Variants in HERPUD2 observed in about 807,000 individuals in gnomAD.
HERPUD2 encodes the protein homocysteine-responsive endoplasmic reticulum-resident ubiquitin-like domain member 2 protein.
HERPUD2 carries 13 observed loss-of-function variants against 49.9 expected under a neutral mutation model. That is an observed-to-expected ratio of 0.26 (90% CI 0.17 to 0.41). The LOEUF (loss-of-function observed/expected upper bound fraction) is 0.41. HERPUD2 is among the 10% of genes least tolerant of loss of function. The pLI, the probability that HERPUD2 is intolerant of heterozygous loss-of-function variation, is 1.00. For synonymous variants in HERPUD2, 172 were observed against 171.4 expected (o/e 1.00, Z -0.03); for missense variants, 449 against 492.2 (o/e 0.91, Z 0.83).
At chr7:35,694,077 A>G (rs1054140878) in intron 2 of HERPUD2, 107 bp downstream of exon 2, 33 of 1,179,360 alleles carry the variant, frequency 2.8e-5, no homozygotes, top group Non-Finnish European at 3.1e-5. Flanking sequence ...GTCTACCAAA[A>G]GAGACCTATT....
At chr7:35,637,507 T>C (rs1784890725) in intron 6 of HERPUD2, among the ~76,000 whole-genome samples, 2 of 152,304 alleles carry the variant, frequency 1.3e-5, no homozygotes, top group South Asian at 4.1e-4. Context: ...GAATTTTAGA[T>C]GTACTGAATT....
intron 2 of HERPUD2, among the ~76,000 whole-genome samples, chr7:35,676,956 T>C (rs1389108469): frequency 6.6e-6 from 1 of 152,190 alleles, no homozygotes; most frequent in East Asian, 1.9e-4. Context: ...TGTTTCAAAG[T>C]TACTTGAAAT....
chr7:35,670,238 C>A lies in HERPUD2; in HGVS notation c.316G>T (p.Ala106Ser). 6.3e-7 allele frequency: 1 copy of A among 1,577,418 alleles called. No individual in the cohort carries two copies. The highest frequency in any genetic ancestry group is 8.6e-7 in the Non-Finnish European group (1 of 1,156,208). Residue 106 changes from alanine (A) to serine (S), a missense_variant, in exon 4 of 9, where the codon GCA becomes TCA. Physicochemically the swap from Ala to Ser is moderately conservative, Grantham distance 99 (BLOSUM62 1). Coordinates refer to ENST00000311350, the MANE Select transcript of HERPUD2 (RefSeq NM_022373.5). ...KSSTNRESHE[A>S]LASSSNSSSD... ...ACAGAATTGCTGCTGGATGCCAATG[C>A]TTCATGACTTTCTCTATTGGTGCTG...
chr7:35,661,418 T>C (rs1168790370), intron 5 of HERPUD2, among the ~76,000 whole-genome samples: 1 of 152,180 alleles, frequency 6.6e-6, no homozygotes, highest in Admixed American at 6.5e-5. Flanking sequence ...AAGAAAGTCA[T>C]TGGTAGCTTG....
chr7:35,666,975 C>G (rs1223263930), intron 5 of HERPUD2, among the ~76,000 whole-genome samples: 1 of 152,200 alleles, frequency 6.6e-6, no homozygotes, highest in African/African-American at 2.4e-5. Flanking sequence ...GGGCTCTGTA[C>G]TCTTTCAAGT....
At chr7:35,669,340 C>A (rs1383668299) in intron 4 of HERPUD2, among the ~76,000 whole-genome samples, 20 of 152,160 alleles carry the variant, frequency 1.3e-4, no homozygotes, top group Admixed American at 1.3e-3. Context: ...CTTAAAGAAG[C>A]AGTTAACTAG....
At chr7:35,644,733 C>T (rs2115854314) in intron 5 of HERPUD2, among the ~76,000 whole-genome samples, 1 of 152,254 alleles carries the variant, frequency 6.6e-6, no homozygotes, top group Non-Finnish European at 1.5e-5. Context: ...CACCACTGCA[C>T]TCTAGCCTGG....
intron 5 of HERPUD2, among the ~76,000 whole-genome samples, chr7:35,642,169 A>G (rs1012638764): frequency 1.1e-4 from 16 of 152,254 alleles, no homozygotes; most frequent in African/African-American, 3.9e-4. Flanking sequence ...CACACTTTTC[A>G]AAAGAAGATA....
intron 4 of HERPUD2, chr7:35,668,647 G>C (rs1338573962): frequency 6.5e-6 from 1 of 154,638 alleles, no homozygotes; most frequent in East Asian, 1.9e-4. Context: ...GTCCACACCA[G>C]TCTTTTGCAA....
At chr7:35,643,506 T>C (rs1299862589) in intron 5 of HERPUD2, among the ~76,000 whole-genome samples, 1 of 152,168 alleles carries the variant, frequency 6.6e-6, no homozygotes, top group East Asian at 1.9e-4. Context: ...ACTTCTTAGA[T>C]ATTTACATGA....
chr7:35,694,073 CAA>C (rs1786257967), intron 2 of HERPUD2, 109 bp downstream of exon 2: 6 of 1,149,632 alleles, frequency 5.2e-6, no homozygotes, highest in Non-Finnish European at 6.4e-6. Flanking sequence ...CGCGGTCTAC[CAA>C]AAGAGACCTA....
At chr7:35,656,827 C>G (rs569610802) in intron 5 of HERPUD2, among the ~76,000 whole-genome samples, 1 of 152,278 alleles carries the variant, frequency 6.6e-6, no homozygotes, top group Admixed American at 6.5e-5. Context: ...AAGAATAAAA[C>G]TGAACCCCTT....
intron 2 of HERPUD2, 33 bp downstream of exon 2, chr7:35,694,151 C>G: frequency 6.2e-7 from 1 of 1,612,342 alleles, no homozygotes; most frequent in Non-Finnish European, 8.5e-7. Flanking sequence ...AGCTGCTGGT[C>G]AGAGCAGCTG....
intron 8 of HERPUD2, 52 bp from the exon 9 acceptor site, chr7:35,633,903 C>T (rs760062948): frequency 6.5e-7 from 1 of 1,531,924 alleles, no homozygotes; most frequent in Non-Finnish European, 8.9e-7. Context: ...CGAGCATTAG[C>T]TCATAATAGA....
chr7:35,694,500 G>T lies in HERPUD2; in HGVS notation c.-170C>A. 1.5e-6 allele frequency: 1 copy of T among 679,578 alleles called. No individual in the cohort carries two copies. Among genetic ancestry groups the T allele is most frequent in the Non-Finnish European group, 2.5e-6 (1 of 403,282 alleles). 42.1% of individuals were successfully genotyped at this position (679,578 alleles called of 1,614,324 possible). Reference sequence around the variant, plus strand: ...ATACGAAGCCCATTGCCGGTACCAAGGATGGACTGAGGTGGTGGCGACTGC... The same window carrying T: ...ATACGAAGCCCATTGCCGGTACCAATGATGGACTGAGGTGGTGGCGACTGC... On this transcript the variant is annotated 5_prime_UTR_variant, in exon 2 of 9. Transcript: ENST00000311350.
intron 3 of HERPUD2, among the ~76,000 whole-genome samples, chr7:35,672,088 T>C (rs951214920): frequency 7.9e-5 from 12 of 151,988 alleles, no homozygotes; most frequent in African/African-American, 2.9e-4. Context: ...CATAAACTAC[T>C]GACTTTGGGT....
At chr7:35,684,861 AC>A (rs1786000129) in intron 2 of HERPUD2, among the ~76,000 whole-genome samples, 2 of 152,182 alleles carry the variant, frequency 1.3e-5, no homozygotes, top group South Asian at 4.1e-4. Context: ...TACTCATGTA[AC>A]CAAACACCAC....
intron 5 of HERPUD2, among the ~76,000 whole-genome samples, chr7:35,639,520 T>C (rs1249979456): frequency 6.6e-6 from 1 of 152,194 alleles, no homozygotes; most frequent in Middle Eastern, 3.2e-3. Context: ...GATGCCAAAG[T>C]GTATAATGTG....
At chr7:35,642,943 C>G (rs1441890593) in intron 5 of HERPUD2, among the ~76,000 whole-genome samples, 4 of 152,150 alleles carry the variant, frequency 2.6e-5, no homozygotes, top group South Asian at 4.1e-4. Context: ...TGACCGTGTA[C>G]CCGTGAACCC....
Sources: gnomAD v4.1 joint callset for allele counts (sites outside exome capture counted in the v4.1 genomes callset) on GRCh38, gnomAD v4.1.1 for gene constraint, MANE v1.5 for transcripts, NCBI Gene and HGNC (gene_info 2026-07-23, HGNC 2026-07-21) for gene names.